ERC1: variants seen among roughly 807,000 people sequenced by gnomAD.
ERC1 encodes the protein ELKS/RAB6-interacting/CAST family member 1.
Under a neutral mutation model 132.0 loss-of-function variants are expected in ERC1, and 56 were observed. The observed-to-expected ratio is 0.42, with a 90% CI of 0.34 to 0.53. The LOEUF is 0.53. ERC1 is among the 20% of genes least tolerant of loss of function. The pLI is 0.03. For synonymous variants in ERC1, 478 were observed against 476.1 expected (o/e 1.00, Z -0.05); for missense variants, 1,202 against 1,349.9 (o/e 0.89, Z 1.72).
At chr12:1,261,773 C>A (rs552462398) in intron 13 of ERC1, among the ~76,000 whole-genome samples, 1 of 152,236 alleles carries the variant, frequency 6.6e-6, no homozygotes, top group South Asian at 2.1e-4. Context: ...TGTGGAGAAA[C>A]ACAGTTCTCT....
intron 8 of ERC1, among the ~76,000 whole-genome samples, chr12:1,167,359 A>T (rs1177525896): frequency 6.6e-6 from 1 of 152,222 alleles, no homozygotes; most frequent in East Asian, 1.9e-4. Flanking sequence ...TTGCATTCTC[A>T]TCTGTGGGAA....
intron 13 of ERC1, among the ~76,000 whole-genome samples, chr12:1,250,762 G>T (rs955064186): frequency 6.6e-6 from 1 of 152,098 alleles, no homozygotes; most frequent in Non-Finnish European, 1.5e-5. Flanking sequence ...TTTTAGTCAC[G>T]TCCTAATAAT....
intron 18 of ERC1, among the ~76,000 whole-genome samples, chr12:1,478,510 C>A (rs1424820984): frequency 6.6e-6 from 1 of 152,156 alleles, no homozygotes; most frequent in African/African-American, 2.4e-5. Context: ...AGACAGAAAT[C>A]CGGCCGGGCG....
chr12:1,095,878 G>A (rs970378480), intron 3 of ERC1, among the ~76,000 whole-genome samples: 7 of 151,890 alleles, frequency 4.6e-5, no homozygotes, highest in African/African-American at 1.7e-4. Flanking sequence ...AAAGCTTTAT[G>A]CCTATGGATG....
intron 16 of ERC1, chr12:1,386,593 AGCCAAGATT>A (rs1206823027): frequency 7.3e-6 from 1 of 137,472 alleles, no homozygotes; most frequent in East Asian, 2.4e-4. Context: ...GGTTGCAGTG[AGCCAAGATT>A]GCACCACTGC....
intron 17 of ERC1, among the ~76,000 whole-genome samples, chr12:1,436,615 A>T (rs534514751): frequency 6.6e-6 from 1 of 152,262 alleles, no homozygotes; most frequent in African/African-American, 2.4e-5. Flanking sequence ...CGTCTAGCAG[A>T]CATGTGATAA....
chr12:1,096,840 T>A (rs1368608723), intron 3 of ERC1, among the ~76,000 whole-genome samples: 5 of 152,214 alleles, frequency 3.3e-5, no homozygotes, highest in Non-Finnish European at 7.4e-5. Flanking sequence ...CCAGAAGTCC[T>A]GTACGTGAAC....
chr12:1,424,361 C>T (rs951472209), intron 17 of ERC1, among the ~76,000 whole-genome samples: 5 of 152,130 alleles, frequency 3.3e-5, no homozygotes, highest in Non-Finnish European at 5.9e-5. Flanking sequence ...ACCTTATGAC[C>T]TTTGGCTACA....
chr12:1,373,123 A>T (rs1355392855), intron 16 of ERC1, among the ~76,000 whole-genome samples: 1 of 152,238 alleles, frequency 6.6e-6, no homozygotes, highest in Non-Finnish European at 1.5e-5. Flanking sequence ...ACTTTTTAGC[A>T]AGAAGAGGAC....
At chr12:1,438,952 A>ATATATATAT (rs1555093159) in intron 17 of ERC1, among the ~76,000 whole-genome samples, 18 of 115,002 alleles carry the variant, frequency 1.6e-4, no homozygotes, top group African/African-American at 7.4e-4. Context: ...AATTTAAAAA[A>ATATATATAT]AAATATATAT....
At chr12:1,276,442 G>T (rs1272382769) in intron 14 of ERC1, among the ~76,000 whole-genome samples, 1 of 151,988 alleles carries the variant, frequency 6.6e-6, no homozygotes, top group Non-Finnish European at 1.5e-5. Context: ...GTTTCGCTAT[G>T]TTGACCAGGC....
chr12:1,349,563 C>T (rs1282995668), intron 15 of ERC1, among the ~76,000 whole-genome samples: 1 of 150,902 alleles, frequency 6.6e-6, no homozygotes, highest in East Asian at 1.9e-4. Flanking sequence ...ACTCGGGAGG[C>T]TGAGGCAGGT....
chr12:1,096,150 A>G (rs1045115277), intron 3 of ERC1, among the ~76,000 whole-genome samples: 14 of 152,122 alleles, frequency 9.2e-5, no homozygotes, highest in African/African-American at 3.1e-4. Context: ...CTGGTCTCGA[A>G]CTACTGAGCT....
At chr12:1,380,060 T>C (rs748079620) in intron 16 of ERC1, 4 of 151,710 alleles carry the variant, frequency 2.6e-5, no homozygotes, top group African/African-American at 7.3e-5. Context: ...CGAGCAAAAA[T>C]GGAGACACAG....
intron 8 of ERC1, among the ~76,000 whole-genome samples, chr12:1,175,827 G>A (rs765516505): frequency 1.3e-5 from 2 of 152,108 alleles, no homozygotes; most frequent in African/African-American, 2.4e-5. Flanking sequence ...GAGCCACTGC[G>A]CCTGGCCCAT....
chr12:1,023,898 G>A (rs116094689), intron 1 of ERC1, among the ~76,000 whole-genome samples: 35 of 152,312 alleles, frequency 2.3e-4, no homozygotes, highest in African/African-American at 8.4e-4. Context: ...AAGCCAGAGG[G>A]AATGGGGACT....
intron 13 of ERC1, among the ~76,000 whole-genome samples, chr12:1,256,435 A>C (rs961320432): frequency 7.2e-6 from 1 of 138,504 alleles, no homozygotes; most frequent in Non-Finnish European, 1.5e-5. Flanking sequence ...AAAAAAAAAA[A>C]GTTGATTCCC....
chr12:1,483,776 G>A (rs541000836), intron 18 of ERC1, among the ~76,000 whole-genome samples: 4 of 135,414 alleles, frequency 3.0e-5, no homozygotes, highest in South Asian at 2.5e-4. Flanking sequence ...TGCAACCTCC[G>A]CCTCTGGGGT....
chr12:1,250,357 C>CTT (rs1264937737), intron 13 of ERC1, among the ~76,000 whole-genome samples: 2 of 152,106 alleles, frequency 1.3e-5, no homozygotes, highest in African/African-American at 4.8e-5. Flanking sequence ...TTTAATCATG[C>CTT]TTTATTGTTT....
Sources: gnomAD v4.1 joint callset for allele counts (sites outside exome capture counted in the v4.1 genomes callset) on GRCh38, gnomAD v4.1.1 for gene constraint, MANE v1.5 for transcripts, NCBI Gene and HGNC (gene_info 2026-07-23, HGNC 2026-07-21) for gene names.